ZCWPW2: variants seen among roughly 807,000 people sequenced by gnomAD.
The protein encoded by ZCWPW2 is zinc finger CW-type PWWP domain protein 2.
A neutral mutation model predicts 46.6 loss-of-function variants in ZCWPW2; 45 were observed. The observed-to-expected ratio is 0.96, with a 90% CI of 0.76 to 1.24. The LOEUF is 1.24. Ranked by LOEUF, ZCWPW2 falls within the 50% of genes most tolerant of loss-of-function variation. ZCWPW2 has a pLI of 0.00. For synonymous variants in ZCWPW2, 152 were observed against 137.1 expected, an observed-to-expected ratio of 1.11 and a Z score of -0.76; for missense variants, 429 against 403.9, an observed-to-expected ratio of 1.06 and a Z score of -0.53.
chr3:28,516,861 A>T (rs1700586902), intron 8 of ZCWPW2, among the ~76,000 whole-genome samples: 2 of 151,152 alleles, frequency 1.3e-5, no homozygotes, highest in South Asian at 2.1e-4. Flanking sequence ...AAAAAAAAAA[A>T]AATAACTGGG....
At chr3:28,355,647 C>CA (rs1211441547) in intron 1 of ZCWPW2, among the ~76,000 whole-genome samples, 1 of 152,244 alleles carries the variant, frequency 6.6e-6, no homozygotes, top group Non-Finnish European at 1.5e-5. Context: ...GGTACCAAAA[C>CA]AGAGATGTAG....
At chr3:28,401,775 C>A (rs545519607) in intron 2 of ZCWPW2, among the ~76,000 whole-genome samples, 92 of 151,896 alleles carry the variant, frequency 6.1e-4, no homozygotes, top group Non-Finnish European at 1.3e-3. Flanking sequence ...AAGGAACCTT[C>A]AAAATTATGC....
At chr3:28,394,525 AG>A (rs1695620536) in intron 2 of ZCWPW2, among the ~76,000 whole-genome samples, 1 of 152,102 alleles carries the variant, frequency 6.6e-6, no homozygotes, top group Admixed American at 6.6e-5. Flanking sequence ...TATATTACAA[AG>A]CTATAGTAAG....
At chr3:28,381,677 G>A (rs537641217) in intron 1 of ZCWPW2, among the ~76,000 whole-genome samples, 18 of 152,226 alleles carry the variant, frequency 1.2e-4, no homozygotes, top group Admixed American at 1.3e-4. Flanking sequence ...CTCCTAGCTA[G>A]TCAGGAGGCT....
intron 1 of ZCWPW2, among the ~76,000 whole-genome samples, chr3:28,372,431 C>T (rs1478571572): frequency 5.9e-5 from 9 of 152,070 alleles, no homozygotes; most frequent in Admixed American, 4.6e-4. Context: ...AATATTATTT[C>T]ATGAGGGAAT....
chr3:28,481,338 G>T (rs1467070944), intron 5 of ZCWPW2, among the ~76,000 whole-genome samples: 1 of 152,050 alleles, frequency 6.6e-6, no homozygotes, highest in African/African-American at 2.4e-5. Context: ...CCGCCTCCTG[G>T]GTTCTAGCAA....
intron 2 of ZCWPW2, among the ~76,000 whole-genome samples, chr3:28,410,189 G>A (rs1377652538): frequency 6.6e-6 from 1 of 152,042 alleles, no homozygotes; most frequent in Non-Finnish European, 1.5e-5. Flanking sequence ...ATCTGAACAT[G>A]TATATATTTA....
intron 4 of ZCWPW2, among the ~76,000 whole-genome samples, chr3:28,462,418 T>A (rs1054045342): frequency 3.3e-5 from 5 of 152,184 alleles, no homozygotes; most frequent in African/African-American, 7.2e-5. Flanking sequence ...GTAACCATGA[T>A]GGGCTGAAGA....
At chr3:28,462,615 C>T (rs1293323816) in intron 4 of ZCWPW2, among the ~76,000 whole-genome samples, 1 of 152,166 alleles carries the variant, frequency 6.6e-6, no homozygotes, top group Admixed American at 6.5e-5. Context: ...ATTGCTTATA[C>T]ATTCAAGTTT....
chr3:28,353,590 C>T (rs1704630743), intron 1 of ZCWPW2, among the ~76,000 whole-genome samples: 1 of 152,158 alleles, frequency 6.6e-6, no homozygotes, highest in African/African-American at 2.4e-5. Context: ...AAAGTTGTGT[C>T]CTAGACATAC....
At chr3:28,371,583 C>G (rs1268631918) in intron 1 of ZCWPW2, among the ~76,000 whole-genome samples, 1 of 152,066 alleles carries the variant, frequency 6.6e-6, no homozygotes, top group Non-Finnish European at 1.5e-5. Context: ...CACTTGAGCC[C>G]AGGAGTTTGA....
chr3:28,510,883 C>T, intron 6 of ZCWPW2: 1 of 297,094 alleles, frequency 3.4e-6, no homozygotes, highest in Non-Finnish European at 6.9e-6. Context: ...TTTACAAACA[C>T]TGTGCATGTC....
In ZCWPW2 at chr3:28,492,172, G is replaced by C. The variant is rs780409174; in HGVS notation, c.656G>C (p.Arg219Thr). The change falls in exon 6 of 10, where the codon AGG (arginine) becomes ACG (threonine). Residue 219 changes from arginine (R) to threonine (T), a missense_variant and splice_region_variant. Physicochemically the swap from Arg to Thr is moderately conservative, Grantham distance 71. Transcript: ENST00000383768. ...HDKVAALVKK[R>T]KQTSKNNIEK... is the part of the protein sequence containing the mutation. ...AAAGTTGCTGCACTGGTCAAGAAAAGGGTAAGATTGTGTTTTATTATATAA... is the reference window on the plus strand; with the variant it reads ...AAAGTTGCTGCACTGGTCAAGAAAACGGTAAGATTGTGTTTTATTATATAA... 6.2e-7 allele frequency: 1 copy of C among 1,602,522 alleles called. No individual in the cohort carries two copies. The highest frequency in any genetic ancestry group is 1.3e-5 in the African/African-American group (1 of 74,640).
At chr3:28,394,011 A>G (rs1157680851) in intron 2 of ZCWPW2, among the ~76,000 whole-genome samples, 3 of 152,298 alleles carry the variant, frequency 2.0e-5, no homozygotes, top group Admixed American at 6.5e-5. Context: ...TCCAGAGGAC[A>G]TGACATTATG....
At chr3:28,489,455 C>T (rs1035285272) in intron 5 of ZCWPW2, among the ~76,000 whole-genome samples, 3 of 151,726 alleles carry the variant, frequency 2.0e-5, no homozygotes, top group African/African-American at 7.3e-5. Context: ...TATTTTTTCC[C>T]ATTTCTTGAA....
At chr3:28,349,500 G>A (rs1704448921) in intron 1 of ZCWPW2, among the ~76,000 whole-genome samples, 1 of 152,146 alleles carries the variant, frequency 6.6e-6, no homozygotes, top group South Asian at 2.1e-4. Context: ...ATTCACAAAC[G>A]ACACCACGAC....
intron 1 of ZCWPW2, among the ~76,000 whole-genome samples, chr3:28,358,760 G>T (rs1010657218): frequency 6.6e-6 from 1 of 152,076 alleles, no homozygotes; most frequent in African/African-American, 2.4e-5. Context: ...AGAATCCTCT[G>T]AAATCTTCGT....
intron 1 of ZCWPW2, among the ~76,000 whole-genome samples, chr3:28,377,815 A>G (rs987083276): frequency 2.0e-5 from 3 of 152,070 alleles, no homozygotes; most frequent in Non-Finnish European, 2.9e-5. Flanking sequence ...CAGCCATTCA[A>G]TGTAGACCTA....
At chr3:28,400,472 C>T (rs1695875839) in intron 2 of ZCWPW2, among the ~76,000 whole-genome samples, 1 of 152,078 alleles carries the variant, frequency 6.6e-6, no homozygotes, top group Non-Finnish European at 1.5e-5. Context: ...AAGATCATCG[C>T]CTAGGCACAT....
Sources: gnomAD v4.1 joint callset for allele counts (sites outside exome capture counted in the v4.1 genomes callset) on GRCh38, gnomAD v4.1.1 for gene constraint, MANE v1.5 for transcripts, NCBI Gene and HGNC (gene_info 2026-07-23, HGNC 2026-07-21) for gene names.